Variants in OSBPL6 observed in about 807,000 individuals in gnomAD.
The protein encoded by OSBPL6 is oxysterol-binding protein-related protein 6.
Under a neutral mutation model 125.8 loss-of-function variants are expected in OSBPL6, and 49 were observed. The observed-to-expected ratio is 0.39, with a 90% CI of 0.31 to 0.49. The LOEUF is 0.49. OSBPL6 is among the 20% of genes least tolerant of loss of function. OSBPL6 has a pLI of 0.88. For missense variants in OSBPL6, 986 were observed against 1,135.4 expected, an observed-to-expected ratio of 0.87 and a Z score of 1.89; for synonymous variants, 394 against 391.8, an observed-to-expected ratio of 1.01 and a Z score of -0.07.
At chr2:178,387,546 C>T (rs1695049311) in intron 20 of OSBPL6, among the ~76,000 whole-genome samples, 1 of 152,202 alleles carries the variant, frequency 6.6e-6, no homozygotes, top group Non-Finnish European at 1.5e-5. Context: ...CTAGAGGATA[C>T]TGCCTCTAAA....
intron 1 of OSBPL6, among the ~76,000 whole-genome samples, chr2:178,244,680 G>C (rs1053061875): frequency 2.0e-5 from 3 of 152,186 alleles, no homozygotes; most frequent in African/African-American, 7.2e-5. Context: ...CATTTGCTAT[G>C]CAGAGGGAGA....
chr2:178,382,872 T>G, intron 16 of OSBPL6, 152 bp from the exon 17 acceptor site: 1 of 1,401,578 alleles, frequency 7.1e-7, no homozygotes, highest in Non-Finnish European at 9.4e-7. Flanking sequence ...ATTAGCAACC[T>G]TGCATTGAAA....
intron 1 of OSBPL6, among the ~76,000 whole-genome samples, chr2:178,265,225 T>TAAG (rs2092194862): frequency 8.8e-6 from 1 of 113,204 alleles, no homozygotes; most frequent in Admixed American, 9.8e-5. Flanking sequence ...TTTTTTTTTT[T>TAAG]TTTTAAGATA....
chr2:178,309,181 C>T (rs1043677961), intron 3 of OSBPL6, among the ~76,000 whole-genome samples: 4 of 152,068 alleles, frequency 2.6e-5, no homozygotes, highest in Non-Finnish European at 4.4e-5. Context: ...CCACTGGCCA[C>T]GCAAACCCAC....
intron 20 of OSBPL6, among the ~76,000 whole-genome samples, chr2:178,387,605 T>G (rs1333701472): frequency 6.6e-6 from 1 of 152,232 alleles, no homozygotes; most frequent in Non-Finnish European, 1.5e-5. Context: ...ACTTGATTGT[T>G]TCTTCGGTTT....
At chr2:178,226,313 G>A (rs552021668) in intron 1 of OSBPL6, among the ~76,000 whole-genome samples, 1 of 140,020 alleles carries the variant, frequency 7.1e-6, no homozygotes, top group East Asian at 1.9e-4. Context: ...TAGCACAGTG[G>A]GCAAAGGATG....
Position 178,372,176 on chromosome 2 carries a change from A to C in OSBPL6, c.1338A>C (p.Ser446=). ...ELRSRLNRIH[S]ESIICDQVVS... ...GGAGTCGGTTGAACAGAATACATTC[A>C]GAGTCTATTATTTGTGATCAGGTTG... Residue 446 remains serine (S), a synonymous_variant, in exon 14 of 25, where the codon TCA becomes TCC. Coordinates refer to ENST00000190611, the MANE Select transcript of OSBPL6 (RefSeq NM_032523.4). 6.2e-7 allele frequency: 1 copy of C among 1,613,434 alleles called. No homozygotes were observed. The highest frequency in any genetic ancestry group is 8.5e-7 in the Non-Finnish European group (1 of 1,179,552).
At chr2:178,213,249 A>G (rs573701985) in intron 1 of OSBPL6, among the ~76,000 whole-genome samples, 2 of 150,978 alleles carry the variant, frequency 1.3e-5, no homozygotes, top group South Asian at 4.2e-4. Context: ...TCAAGTTCTG[A>G]CTCTCTGCTA....
chr2:178,331,432 A>G, intron 5 of OSBPL6, 120 bp from the exon 6 acceptor site: 1 of 1,036,464 alleles, frequency 9.6e-7, no homozygotes, highest in Non-Finnish European at 1.5e-6. Context: ...CTGAATCCAG[A>G]TACATTAAAA....
At chr2:178,338,945 C>A in intron 9 of OSBPL6, 46 bp from the exon 10 acceptor site, 1 of 1,396,284 alleles carries the variant, frequency 7.2e-7, no homozygotes, top group African/African-American at 1.4e-5. Flanking sequence ...ATCCCCACCG[C>A]TCCCTACCCA....
At chr2:178,356,354 C>CA (rs547799584) in intron 12 of OSBPL6, among the ~76,000 whole-genome samples, 259 of 152,172 alleles carry the variant, frequency 1.7e-3, no homozygotes, top group Non-Finnish European at 2.9e-3. Flanking sequence ...GCCGCCACCC[C>CA]AAATCTCCTT....
intron 1 of OSBPL6, among the ~76,000 whole-genome samples, chr2:178,241,993 C>T (rs570851873): frequency 1.7e-4 from 26 of 152,246 alleles, no homozygotes; most frequent in Non-Finnish European, 2.4e-4. Flanking sequence ...TAGGCAATAC[C>T]GTACAGGGTG....
At chr2:178,388,063 C>T (rs997234822) in intron 20 of OSBPL6, among the ~76,000 whole-genome samples, 2 of 152,090 alleles carry the variant, frequency 1.3e-5, no homozygotes, top group African/African-American at 2.4e-5. Context: ...ATGGTGCCTA[C>T]ATCATACCAA....
intron 1 of OSBPL6, among the ~76,000 whole-genome samples, chr2:178,246,467 G>A (rs1158327356): frequency 2.0e-5 from 3 of 152,104 alleles, no homozygotes; most frequent in Admixed American, 6.5e-5. Context: ...ATGGCCTGGT[G>A]TGAGAACTGA....
Position 178,401,272 on chromosome 2 carries a change from C to G in OSBPL6, c.*5713C>G, listed in dbSNP as rs904546513. 1.3e-5 allele frequency: 2 copies of G among 152,192 alleles called. No homozygotes were observed. Among genetic ancestry groups the G allele is most frequent in the African/African-American group, 2.4e-5 (1 of 41,430 alleles). 9.4% of individuals were successfully genotyped at this position (152,192 alleles called of 1,614,324 possible). A position where few individuals can be genotyped will look rare whatever the true frequency, so the allele number is the denominator to read the frequency against. On this transcript the variant is annotated 3_prime_UTR_variant, in exon 25 of 25. Transcript: ENST00000190611. ...TATGCTGATTTATTTATCATCCCCC[C>G]ACCCCAACCCCACTTTTGTGTCACA...
At chr2:178,338,435 A>G (rs1689899002) in intron 9 of OSBPL6, among the ~76,000 whole-genome samples, 1 of 152,222 alleles carries the variant, frequency 6.6e-6, no homozygotes, top group Admixed American at 6.5e-5. Context: ...ATATTGCTGG[A>G]CCAGCGAATG....
chr2:178,295,180 A>G (rs1295088803), intron 2 of OSBPL6, among the ~76,000 whole-genome samples: 1 of 152,186 alleles, frequency 6.6e-6, no homozygotes, highest in Admixed American at 6.6e-5. Flanking sequence ...GGTGAGAAGC[A>G]ATTAAATTCA....
At chr2:178,337,640 C>T (rs1359441903) in intron 9 of OSBPL6, among the ~76,000 whole-genome samples, 2 of 152,172 alleles carry the variant, frequency 1.3e-5, no homozygotes, top group Admixed American at 6.5e-5. Flanking sequence ...GGTAGGAGAG[C>T]TAAATGCTAC....
chr2:178,364,377 T>A (rs1287795086), intron 13 of OSBPL6, among the ~76,000 whole-genome samples: 1 of 152,166 alleles, frequency 6.6e-6, no homozygotes, highest in East Asian at 1.9e-4. Context: ...GTAGGTGGAA[T>A]TGGGAGGCAA....
Sources: allele counts gnomAD v4.1 joint callset (sites outside exome capture counted in the v4.1 genomes callset), GRCh38; gene constraint gnomAD v4.1.1; transcripts MANE v1.5; gene names NCBI Gene and HGNC (gene_info 2026-07-23, HGNC 2026-07-21).